TUFT1: variants seen among roughly 807,000 people sequenced by gnomAD.
The protein encoded by TUFT1 is tuftelin 1.
A neutral mutation model predicts 57.8 loss-of-function variants in TUFT1; 43 were observed. The observed-to-expected ratio is 0.74, with a 90% CI of 0.58 to 0.96. The LOEUF (loss-of-function observed/expected upper bound fraction) is 0.96. TUFT1 is among the 40% of genes least tolerant of loss of function. The pLI, the probability that TUFT1 is intolerant of heterozygous loss-of-function variation, is 0.00. For missense variants in TUFT1, 459 were observed against 489.0 expected (o/e 0.94, Z 0.58); for synonymous variants, 166 against 176.7 (o/e 0.94, Z 0.48).
At chr1:151,570,151 G>A (rs868243735) in intron 7 of TUFT1, among the ~76,000 whole-genome samples, 1 of 152,140 alleles carries the variant, frequency 6.6e-6, no homozygotes, top group African/African-American at 2.4e-5. Context: ...AGTGTCTGGT[G>A]CAATACCTGG....
At chr1:151,558,361 C>T (rs1298734806) in intron 1 of TUFT1, among the ~76,000 whole-genome samples, 3 of 151,226 alleles carry the variant, frequency 2.0e-5, no homozygotes, top group African/African-American at 7.3e-5. Flanking sequence ...TTGAGGGATC[C>T]CCTCAAAGGT....
intron 12 of TUFT1, 98 bp downstream of exon 12, chr1:151,581,140 C>T (rs1014549261): frequency 2.6e-6 from 3 of 1,138,090 alleles, no homozygotes; most frequent in African/African-American, 1.6e-5. Context: ...GAACAAGGCT[C>T]CTTTAAATCC....
intron 9 of TUFT1, among the ~76,000 whole-genome samples, chr1:151,575,425 G>T (rs932033362): frequency 6.6e-5 from 10 of 152,140 alleles, no homozygotes; most frequent in Non-Finnish European, 7.4e-5. Context: ...GATGAAAAAT[G>T]GAATGAGCAG....
intron 1 of TUFT1, chr1:151,545,753 C>T (rs1197825675): frequency 2.0e-6 from 1 of 502,234 alleles, no homozygotes; most frequent in Admixed American, 2.0e-5. Flanking sequence ...AGTGGAGAGT[C>T]CCAGGGGTGA....
chr1:151,541,124 G>T (rs1398964718), intron 1 of TUFT1, among the ~76,000 whole-genome samples: 1 of 152,066 alleles, frequency 6.6e-6, no homozygotes, highest in Admixed American at 6.5e-5. Context: ...TTCCTGGGAC[G>T]GTGTGTTAGT....
In TUFT1 at chr1:151,563,236, C is replaced by CT. The variant is rs146270937; in HGVS notation, c.237+559dup. On this transcript the variant is annotated intron_variant, in intron 3 of 12. Coordinates refer to ENST00000368849, the MANE Select transcript of TUFT1 (RefSeq NM_020127.3). ...AATGATTTTTGTTATTTCTCTCTCT[C>CT]TTTTTTTTTATAAAACAGCTTTTTT... 4.0e-3 allele frequency among the ~76,000 whole-genome samples: 605 copies of CT among 151,230 alleles called. 4 individuals carry two copies. The highest frequency in any genetic ancestry group is 0.013 in the African/African-American group (534 of 41,272).
intron 1 of TUFT1, among the ~76,000 whole-genome samples, chr1:151,546,324 G>A (rs570514464): frequency 1.3e-5 from 2 of 152,148 alleles, no homozygotes; most frequent in South Asian, 2.1e-4. Context: ...TTAGAATTGT[G>A]ATTTATTGAA....
chr1:151,546,876 C>G (rs72692715), intron 1 of TUFT1, among the ~76,000 whole-genome samples: 39 of 152,172 alleles, frequency 2.6e-4, no homozygotes, highest in African/African-American at 8.4e-4. Context: ...TTTCATTTCT[C>G]TTGGAGAGGA....
rs1362821702 is a variant in TUFT1 at position 151,581,886 on chromosome 1, G to A, written c.*179G>A. On this transcript the variant is annotated 3_prime_UTR_variant, in exon 13 of 13. Coordinates refer to ENST00000368849, the MANE Select transcript of TUFT1 (RefSeq NM_020127.3). ...GGCCACTCTAAGCTGGGCAGACGGA[G>A]CACGAGCACCTATTCAAGGCACTGC... 3 of 657,134 alleles carry A rather than the reference G, an allele frequency of 4.6e-6. No homozygotes were observed. Among genetic ancestry groups the A allele is most frequent in the Admixed American group, 2.4e-5 (1 of 41,916 alleles). 40.7% of individuals were successfully genotyped at this position (657,134 alleles called of 1,614,324 possible).
chr1:151,542,692 T>C (rs1016585547), intron 1 of TUFT1, among the ~76,000 whole-genome samples: 4 of 152,192 alleles, frequency 2.6e-5, no homozygotes, highest in African/African-American at 9.7e-5. Flanking sequence ...TTCCCTTTTA[T>C]TCCTTTTTTC....
intron 5 of TUFT1, 34 bp downstream of exon 5, chr1:151,564,648 C>CTCCTCGGT: frequency 1.3e-6 from 2 of 1,574,358 alleles, no homozygotes; most frequent in South Asian, 1.1e-5. Context: ...GGGTCCCCAC[C>CTCCTCGGT]GAGGAGGTGG....
rs1007175865 is a variant in TUFT1, at chr1:151,564,129, G to A, written c.324+139G>A. 22 of 662,976 alleles carry A rather than the reference G, an allele frequency of 3.3e-5. No individual in the cohort carries two copies. In the East Asian group the frequency reaches 4.3e-4, roughly 13 times the overall value. 41.1% of individuals were successfully genotyped at this position (662,976 alleles called of 1,614,324 possible). A position where few individuals can be genotyped will look rare whatever the true frequency, so the allele number is the denominator to read the frequency against. The stretch of plus-strand genomic sequence containing the variant: ...CTCTGAAATGCCACCATGCCCTCCC[G>A]TGTGTCAAATATATAACTTTTGACC... On this transcript the variant is annotated intron_variant, in intron 4 of 12. Coordinates refer to ENST00000368849, the MANE Select transcript of TUFT1 (RefSeq NM_020127.3).
Position 151,574,411 on chromosome 1 carries a change from T to C in TUFT1, c.723+13T>C, listed in dbSNP as rs887667621. On this transcript the variant is annotated intron_variant, in intron 8 of 12. Coordinates refer to ENST00000368849, the MANE Select transcript of TUFT1 (RefSeq NM_020127.3). ...AGGGATGGAGACGGTAACCGGGGGA[T>C]CTTGCTTGTCAGTGCCTGGACTCCT... 1.2e-6 allele frequency: 2 copies of C among 1,613,490 alleles called. No homozygotes were observed. Among genetic ancestry groups the C allele is most frequent in the Non-Finnish European group, 1.7e-6 (2 of 1,179,826 alleles).
chr1:151,572,357 G>A (rs1666281213), intron 7 of TUFT1, among the ~76,000 whole-genome samples: 1 of 152,056 alleles, frequency 6.6e-6, no homozygotes, highest in Non-Finnish European at 1.5e-5. Flanking sequence ...AAATGTGGAA[G>A]GGGAGTCTAT....
intron 12 of TUFT1, 62 bp downstream of exon 12, chr1:151,581,104 C>T: frequency 6.8e-7 from 1 of 1,462,920 alleles, no homozygotes; most frequent in Non-Finnish European, 9.5e-7. Flanking sequence ...GGACAGAGCT[C>T]TGTAGAACCT....
intron 1 of TUFT1, chr1:151,561,881 A>C (rs1665908360): frequency 4.6e-6 from 7 of 1,515,798 alleles, no homozygotes; most frequent in Middle Eastern, 1.8e-4. Context: ...GAAAGAAAAA[A>C]CTGTTGGGTG....
chr1:151,577,206 T>G (rs527848006), intron 9 of TUFT1, among the ~76,000 whole-genome samples: 2 of 152,216 alleles, frequency 1.3e-5, no homozygotes, highest in African/African-American at 4.8e-5. Context: ...CCCCTTTGTT[T>G]AGGGTTCTTG....
chr1:151,556,923 G>T (rs12217027), intron 1 of TUFT1, among the ~76,000 whole-genome samples: 1 of 152,028 alleles, frequency 6.6e-6, no homozygotes, highest in East Asian at 1.9e-4. Flanking sequence ...GCAGTGAGCC[G>T]AGATTGCGTC....
At chr1:151,564,818 G>A in intron 5 of TUFT1, 1 of 479,954 alleles carries the variant, frequency 2.1e-6, no homozygotes, top group Non-Finnish European at 3.7e-6. Context: ...ACACATGTCA[G>A]CTTAAACATA....
Sources: allele counts gnomAD v4.1 joint callset (sites outside exome capture counted in the v4.1 genomes callset), GRCh38; gene constraint gnomAD v4.1.1; transcripts MANE v1.5; gene names NCBI Gene and HGNC (gene_info 2026-07-23, HGNC 2026-07-21).